The following ZBTB20 variants were observed in gnomAD, a reference collection of about 807,000 sequenced individuals.
ZBTB20 encodes the protein zinc finger and BTB domain-containing protein 20.
In ZBTB20, 9 loss-of-function variants were observed where a neutral mutation model predicts 56.9. That is an observed-to-expected ratio of 0.16 (90% confidence interval 0.10 to 0.28). The LOEUF is 0.28. Ranked by LOEUF, ZBTB20 falls within the 10% of genes least tolerant of loss-of-function variation. The pLI, the probability that ZBTB20 is intolerant of heterozygous loss-of-function variation, is 1.00. For missense variants in ZBTB20, 655 were observed against 1,003.0 expected (o/e 0.65, Z 4.69); for synonymous variants, 417 against 420.7 (o/e 0.99, Z 0.11).
intron 3 of ZBTB20, among the ~76,000 whole-genome samples, chr3:114,953,149 T>C (rs114597060): frequency 2.2e-3 from 341 of 152,128 alleles, no homozygotes; most frequent in Non-Finnish European, 3.7e-3. Flanking sequence ...AAAATATTGA[T>C]TCTAAGAAGA....
At chr3:114,963,075 T>G (rs2077515356) in intron 3 of ZBTB20, among the ~76,000 whole-genome samples, 1 of 152,094 alleles carries the variant, frequency 6.6e-6, no homozygotes, top group Admixed American at 6.6e-5. Flanking sequence ...TTTCATTCCT[T>G]TTTATAAAAT....
chr3:114,498,360 G>T (rs1243701375), intron 7 of ZBTB20, among the ~76,000 whole-genome samples: 1 of 152,212 alleles, frequency 6.6e-6, no homozygotes, highest in African/African-American at 2.4e-5. Flanking sequence ...CGAACAAGCA[G>T]AATTCTGTAC....
At chr3:114,796,227 T>C (rs1351401150) in intron 5 of ZBTB20, among the ~76,000 whole-genome samples, 1 of 151,848 alleles carries the variant, frequency 6.6e-6, no homozygotes, top group East Asian at 1.9e-4. Flanking sequence ...ATTCATAACA[T>C]TGGAAATGAA....
intron 1 of ZBTB20, among the ~76,000 whole-genome samples, chr3:115,101,620 A>G (rs1040435055): frequency 6.6e-6 from 1 of 152,190 alleles, no homozygotes; most frequent in South Asian, 2.1e-4. Context: ...ATATATTTCT[A>G]TACAGTTTGG....
At chr3:114,929,508 T>A (rs574859197) in intron 3 of ZBTB20, among the ~76,000 whole-genome samples, 90 of 152,340 alleles carry the variant, frequency 5.9e-4, no homozygotes, top group Non-Finnish European at 7.4e-5. Flanking sequence ...TCTGAATTTC[T>A]TCTAGTTTCC....
At chr3:114,736,814 C>T (rs1353475347) in intron 5 of ZBTB20, among the ~76,000 whole-genome samples, 1 of 152,064 alleles carries the variant, frequency 6.6e-6, no homozygotes, top group Non-Finnish European at 1.5e-5. Flanking sequence ...AAGGGAAACC[C>T]AAGCTTTATG....
intron 6 of ZBTB20, among the ~76,000 whole-genome samples, chr3:114,670,520 T>C (rs532290449): frequency 1.3e-5 from 2 of 152,134 alleles, no homozygotes; most frequent in Admixed American, 1.3e-4. Flanking sequence ...ATAGAGAAGG[T>C]AGAGATAGTT....
chr3:114,484,814 TGTGTGC>T (rs961331198), intron 7 of ZBTB20, among the ~76,000 whole-genome samples: 12 of 151,992 alleles, frequency 7.9e-5, no homozygotes, highest in African/African-American at 1.7e-4. Context: ...TGTGTGTGTG[TGTGTGC>T]GCGTGCATGT....
intron 2 of ZBTB20, among the ~76,000 whole-genome samples, chr3:115,062,530 A>G (rs971999078): frequency 4.6e-5 from 7 of 152,128 alleles, no homozygotes; most frequent in Non-Finnish European, 2.9e-5. Flanking sequence ...GATATCTGCT[A>G]AACACTTTTG....
At chr3:114,543,683 G>A (rs568486313) in intron 6 of ZBTB20, among the ~76,000 whole-genome samples, 12 of 152,220 alleles carry the variant, frequency 7.9e-5, no homozygotes, top group Non-Finnish European at 1.6e-4. Flanking sequence ...TATTTCTCAA[G>A]TTTCTTAACA....
rs115481827 is a variant in ZBTB20, at chr3:114,422,671, T to C, written c.-254-33566A>G. Among the ~76,000 whole-genome samples the C allele has an allele frequency of 3.6e-3, 555 of 152,304 alleles. 3 individuals are homozygous for C. Among genetic ancestry groups the C allele is most frequent in the African/African-American group, 0.013 (523 of 41,576 alleles). On this transcript the variant is annotated intron_variant, in intron 7 of 11. Transcript: ENST00000675478. ...GTTCCACTTGGTCCTGAAAATTACA[T>C]TCTGTAGCTTCTAGACATCAAACTT...
At chr3:115,080,954 A>C (rs1293636315) in intron 1 of ZBTB20, among the ~76,000 whole-genome samples, 1 of 152,198 alleles carries the variant, frequency 6.6e-6, no homozygotes, top group Admixed American at 6.5e-5. Flanking sequence ...TATCACATGC[A>C]TAGACAGGTC....
intron 6 of ZBTB20, among the ~76,000 whole-genome samples, chr3:114,655,481 T>G (rs190204893): frequency 2.0e-5 from 3 of 151,674 alleles, no homozygotes; most frequent in Admixed American, 1.3e-4. Context: ...CTCGATCTCC[T>G]GACCTCATGA....
rs778183614 is a variant in ZBTB20, at chr3:114,351,804, C to G, written c.274G>C (p.Glu92Gln). Residue 92 changes from glutamate to glutamine, a missense_variant, in exon 11 of 12, where the codon GAG becomes CAG. Coordinates refer to ENST00000675478, the MANE Select transcript of ZBTB20 (RefSeq NM_001348800.3). ...CGGTTGCGCTGCTCGTTGAGGGTCT[C>G]GAGCACGGAATTGCTGAAGTTGTGA... is the stretch of plus-strand genomic sequence containing the variant. ...NLHNFSNSVL[E>Q]TLNEQRNRGH... 1.2e-6 allele frequency: 2 copies of G among 1,607,826 alleles called. No homozygotes were observed. The highest frequency in any genetic ancestry group is 2.2e-5 in the East Asian group (1 of 44,678).
intron 1 of ZBTB20, chr3:115,102,969 TAA>T (rs58202071): frequency 5.1e-5 from 7 of 138,108 alleles, no homozygotes; most frequent in African/African-American, 5.3e-5. Flanking sequence ...CATCTCAAAT[TAA>T]AAAAAAAAAA....
intron 10 of ZBTB20, among the ~76,000 whole-genome samples, chr3:114,365,755 C>T (rs568914782): frequency 6.6e-6 from 1 of 152,216 alleles, no homozygotes; most frequent in African/African-American, 2.4e-5. Flanking sequence ...GTATCTATTT[C>T]CATGGTATCT....
chr3:114,657,694 T>C (rs1578193577), intron 6 of ZBTB20, among the ~76,000 whole-genome samples: 1 of 152,286 alleles, frequency 6.6e-6, no homozygotes, highest in East Asian at 1.9e-4. Context: ...GACTGGGAAG[T>C]TCCTTGAGGG....
intron 4 of ZBTB20, among the ~76,000 whole-genome samples, chr3:114,850,252 A>G (rs1309827905): frequency 6.6e-6 from 1 of 152,094 alleles, no homozygotes; most frequent in African/African-American, 2.4e-5. Context: ...ACTCATAACT[A>G]CTACTTTATG....
intron 6 of ZBTB20, among the ~76,000 whole-genome samples, chr3:114,664,766 A>G (rs935930928): frequency 8.5e-5 from 13 of 152,206 alleles, no homozygotes; most frequent in African/African-American, 2.2e-4. Context: ...CAAAGAAAAG[A>G]AAACAAAAAA....
Sources: allele counts gnomAD v4.1 joint callset (sites outside exome capture counted in the v4.1 genomes callset), GRCh38; gene constraint gnomAD v4.1.1; transcripts MANE v1.5; gene names NCBI Gene and HGNC (gene_info 2026-07-23, HGNC 2026-07-21).